The following INVS variants were observed in gnomAD, a reference collection of about 807,000 sequenced individuals.
The protein encoded by INVS is inversin.
In INVS, 86 loss-of-function variants were observed where a neutral mutation model predicts 108.8. The ratio of observed to expected loss-of-function variants is 0.79; its 90% CI spans 0.66 to 0.95. INVS has a LOEUF of 0.95. Ranked by LOEUF, INVS falls within the 40% of genes least tolerant of loss-of-function variation. The pLI, the probability that INVS is intolerant of heterozygous loss-of-function variation, is 0.00. For missense variants in INVS, 1,169 were observed against 1,297.4 expected, an observed-to-expected ratio of 0.90 and a Z score of 1.52; for synonymous variants, 455 against 473.5, an observed-to-expected ratio of 0.96 and a Z score of 0.51.
At chr9:100,107,120 C>T (rs931374444) in intron 2 of INVS, among the ~76,000 whole-genome samples, 6 of 152,110 alleles carry the variant, frequency 3.9e-5, no homozygotes, top group African/African-American at 9.7e-5. Flanking sequence ...GTGCATACAA[C>T]TTATATGTAC....
intron 3 of INVS, among the ~76,000 whole-genome samples, chr9:100,190,161 G>T (rs1026957898): frequency 1.3e-5 from 2 of 151,842 alleles, no homozygotes; most frequent in African/African-American, 4.8e-5. Context: ...TTTAACCATT[G>T]TTGCTTTAAA....
intron 3 of INVS, among the ~76,000 whole-genome samples, chr9:100,199,597 ATAT>A (rs990445646): frequency 3.9e-5 from 6 of 152,130 alleles, no homozygotes; most frequent in African/African-American, 1.4e-4. Flanking sequence ...CCGCATTGGA[ATAT>A]TATACTATGC....
At chr9:100,191,230 G>T (rs1415525573) in intron 3 of INVS, among the ~76,000 whole-genome samples, 1 of 152,128 alleles carries the variant, frequency 6.6e-6, no homozygotes, top group African/African-American at 2.4e-5. Context: ...TAAATCTCTA[G>T]CAAGGTCAGG....
At chr9:100,103,053 A>G (rs1827052483) in intron 1 of INVS, among the ~76,000 whole-genome samples, 1 of 152,256 alleles carries the variant, frequency 6.6e-6, no homozygotes, top group Middle Eastern at 3.4e-3. Context: ...CAGTTTCGCC[A>G]TGTTGGCCAC....
chr9:100,295,680 T>C (rs1833769151), intron 14 of INVS, among the ~76,000 whole-genome samples: 1 of 152,144 alleles, frequency 6.6e-6, no homozygotes, highest in South Asian at 2.1e-4. Flanking sequence ...AACTTGATCT[T>C]AAAATTGTCA....
chr9:100,148,516 A>G (rs960670852), intron 3 of INVS, among the ~76,000 whole-genome samples: 1 of 152,202 alleles, frequency 6.6e-6, no homozygotes, highest in African/African-American at 2.4e-5. Flanking sequence ...TTTACAAAGG[A>G]TATAATGCCA....
rs933879729 is a variant in INVS at position 100,301,000 on chromosome 9, AC to A, written c.*327del. ...TTAACAGCAAAATCTAAGGAAAACT[AC>A]GGCTGCTGGGTTGGGATTTCTGCCA... On this transcript the variant is annotated 3_prime_UTR_variant, in exon 17 of 17. Transcript: ENST00000262457. 1 of 315,108 alleles carries A rather than the reference AC, an allele frequency of 3.2e-6. No individual in the cohort carries two copies. 19.5% of individuals were successfully genotyped at this position (315,108 alleles called of 1,614,324 possible). A position where few individuals can be genotyped will look rare whatever the true frequency, so the allele number is the denominator to read the frequency against.
intron 2 of INVS, among the ~76,000 whole-genome samples, chr9:100,110,049 A>T (rs1173775694): frequency 6.6e-6 from 1 of 152,258 alleles, no homozygotes; most frequent in East Asian, 1.9e-4. Context: ...GTACTATTTC[A>T]GGTTACTTCT....
At chr9:100,296,020 C>A (rs1833779829) in intron 14 of INVS, among the ~76,000 whole-genome samples, 1 of 152,130 alleles carries the variant, frequency 6.6e-6, no homozygotes, top group African/African-American at 2.4e-5. Context: ...TGAAATCAGC[C>A]TTTGGGGAAG....
chr9:100,136,857 T>C (rs1828240772), intron 3 of INVS, among the ~76,000 whole-genome samples: 1 of 152,074 alleles, frequency 6.6e-6, no homozygotes, highest in Non-Finnish European at 1.5e-5. Context: ...CTGGCCAACA[T>C]GGTGAAACCC....
intron 1 of INVS, among the ~76,000 whole-genome samples, chr9:100,103,353 A>G (rs923657970): frequency 2.7e-5 from 4 of 149,816 alleles, no homozygotes; most frequent in Non-Finnish European, 4.4e-5. Context: ...TAGGCAGGGC[A>G]TGGTGGCTTA....
rs1165179247 is a variant in INVS, at chr9:100,100,948, AT to A, written c.-25+1533del. ...TATATAATATATATAATATATATACATATATATTATATATATAATATATATT... is the reference window on the plus strand; with the variant it reads ...TATATAATATATATAATATATATACAATATATTATATATATAATATATATT... On this transcript the variant is annotated intron_variant, in intron 1 of 16. Coordinates refer to ENST00000262457, the MANE Select transcript of INVS (RefSeq NM_014425.5). Among the ~76,000 whole-genome samples the A allele has an allele frequency of 3.9e-3, 85 of 21,702 alleles. 1 individual carries two copies. The Middle Eastern group carries it at 0.062, about 16-fold the overall frequency. The allele number at this position is 21,702 out of a possible 152,430, so 14.2% of individuals were successfully genotyped here.
intron 3 of INVS, among the ~76,000 whole-genome samples, chr9:100,167,458 C>A (rs1339734082): frequency 6.6e-6 from 1 of 152,034 alleles, no homozygotes; most frequent in Non-Finnish European, 1.5e-5. Context: ...GAATGCTGTT[C>A]CAGTAGGAAT....
chr9:100,254,487 T>C (rs1832348736), intron 10 of INVS, among the ~76,000 whole-genome samples: 1 of 152,346 alleles, frequency 6.6e-6, no homozygotes, highest in Non-Finnish European at 1.5e-5. Context: ...ATGAAGTCCT[T>C]GCCCATGCCT....
At chr9:100,241,352 A>G (rs1297244494) in intron 6 of INVS, among the ~76,000 whole-genome samples, 4 of 151,870 alleles carry the variant, frequency 2.6e-5, no homozygotes, top group South Asian at 4.2e-4. Context: ...TTTGGGTTCT[A>G]TTTTTATTTC....
intron 10 of INVS, among the ~76,000 whole-genome samples, chr9:100,261,085 C>G (rs753242967): frequency 6.6e-5 from 10 of 152,044 alleles, no homozygotes; most frequent in Admixed American, 5.9e-4. Context: ...ATTATTTTAA[C>G]TCTTTAAAAA....
chr9:100,179,729 A>G (rs547657331), intron 3 of INVS, among the ~76,000 whole-genome samples: 1 of 152,316 alleles, frequency 6.6e-6, no homozygotes, highest in East Asian at 1.9e-4. Flanking sequence ...TATTAGAAAG[A>G]TCAATGCAAC....
intron 12 of INVS, among the ~76,000 whole-genome samples, chr9:100,274,335 G>A (rs902287571): frequency 6.9e-6 from 1 of 145,302 alleles, no homozygotes; most frequent in African/African-American, 2.7e-5. Flanking sequence ...TCCAGCCTGG[G>A]CAATAGAGTC....
At chr9:100,237,856 A>G (rs999470224) in intron 5 of INVS, among the ~76,000 whole-genome samples, 1 of 150,016 alleles carries the variant, frequency 6.7e-6, no homozygotes, top group Non-Finnish European at 1.5e-5. Flanking sequence ...TTCGGTGGTC[A>G]ACTCTCTCTG....
Sources: allele counts gnomAD v4.1 joint callset (sites outside exome capture counted in the v4.1 genomes callset), GRCh38; gene constraint gnomAD v4.1.1; transcripts MANE v1.5; gene names NCBI Gene and HGNC (gene_info 2026-07-23, HGNC 2026-07-21).